The following CORO2B variants were observed in gnomAD, a reference collection of about 807,000 sequenced individuals.
CORO2B encodes the protein coronin 2B.
Under a neutral mutation model 58.8 loss-of-function variants are expected in CORO2B, and 26 were observed. That is an observed-to-expected ratio of 0.44 (90% CI 0.32 to 0.61). CORO2B has a LOEUF of 0.61. Among genes scored for constraint, CORO2B ranks in the 20% least tolerant of loss-of-function variants. The pLI is 0.04. For synonymous variants in CORO2B, 242 were observed against 253.8 expected, an observed-to-expected ratio of 0.95 and a Z score of 0.44; for missense variants, 460 against 645.1, an observed-to-expected ratio of 0.71 and a Z score of 3.11.
At chr15:68,620,635 T>A (rs1187055077) in intron 1 of CORO2B, among the ~76,000 whole-genome samples, 1 of 152,210 alleles carries the variant, frequency 6.6e-6, no homozygotes, top group African/African-American at 2.4e-5. Context: ...ATTTCCAAAG[T>A]GCCTTCTCTG....
chr15:68,676,482 G>T (rs751207002), intron 2 of CORO2B, among the ~76,000 whole-genome samples: 1 of 152,192 alleles, frequency 6.6e-6, no homozygotes, highest in Non-Finnish European at 1.5e-5. Context: ...AACCACCGCT[G>T]CCTAAACCCG....
rs781205281 is a variant in CORO2B, at chr15:68,679,743, T to C, written c.217-15397T>C. Among the ~76,000 whole-genome samples the C allele has an allele frequency of 2.6e-5, 4 of 152,156 alleles. No individual in the cohort carries two copies. In the East Asian group the frequency reaches 7.7e-4, roughly 29 times the overall value. On this transcript the variant is annotated intron_variant, in intron 2 of 11. Coordinates refer to ENST00000261861, the MANE Select transcript of CORO2B (RefSeq NM_006091.5). Reference sequence around the variant, plus strand: ...TTCCTTCTCCCACTACCCCAGCCCCTGAGGATCAACCAACCTCCACAGATG... The same window carrying C: ...TTCCTTCTCCCACTACCCCAGCCCCCGAGGATCAACCAACCTCCACAGATG...
intron 2 of CORO2B, among the ~76,000 whole-genome samples, chr15:68,663,752 A>G (rs1902090786): frequency 6.6e-6 from 1 of 152,250 alleles, no homozygotes; most frequent in Non-Finnish European, 1.5e-5. Context: ...AGACTTGAAT[A>G]AGCATTGCAT....
At chr15:68,581,051 C>A (rs931194647) in intron 1 of CORO2B, among the ~76,000 whole-genome samples, 13 of 152,154 alleles carry the variant, frequency 8.5e-5, no homozygotes, top group Admixed American at 7.9e-4. Context: ...CGTTGGGCAT[C>A]CTGGCTACTG....
chr15:68,552,048 G>T, the CORO2B span, among the ~76,000 whole-genome samples: 10 of 152,040 alleles, frequency 6.6e-5, no homozygotes, highest in African/African-American at 2.2e-4. Flanking sequence ...AAGGGGCTTT[G>T]GTCATCAGCA....
chr15:68,712,016 C>T (rs927692681), intron 5 of CORO2B, among the ~76,000 whole-genome samples: 1 of 152,132 alleles, frequency 6.6e-6, no homozygotes, highest in Non-Finnish European at 1.5e-5. Flanking sequence ...CCAGGTGTTA[C>T]CCAGGTCCAC....
chr15:68,525,755 CTTTA>C, the CORO2B span, among the ~76,000 whole-genome samples: 1 of 152,132 alleles, frequency 6.6e-6, no homozygotes, highest in African/African-American at 2.4e-5. Context: ...TTTTAATCAA[CTTTA>C]TTTACTTTAT....
rs192134821 is a variant in CORO2B at position 68,605,862 on chromosome 15, T to C, written c.15+26585T>C. The stretch of plus-strand genomic sequence containing the variant: ...GCCTTGGCCTCCTGAGTATCTGTGA[T>C]TACAGGCACCCGCCACCACACTCAG... On this transcript the variant is annotated intron_variant, in intron 1 of 11. Transcript: ENST00000261861. 8.5e-5 allele frequency among the ~76,000 whole-genome samples: 13 copies of C among 152,088 alleles called. No homozygotes were observed. In the East Asian group the frequency reaches 2.5e-3, roughly 29 times the overall value.
At chr15:68,696,572 A>AAAAAAAAG (rs1465115598) in intron 3 of CORO2B, among the ~76,000 whole-genome samples, 1 of 151,568 alleles carries the variant, frequency 6.6e-6, no homozygotes, top group African/African-American at 2.4e-5. Flanking sequence ...AAAAAAAAAA[A>AAAAAAAAG]AAGAATCCAG....
chr15:68,602,162 C>T (rs1256890391), intron 1 of CORO2B, among the ~76,000 whole-genome samples: 1 of 152,104 alleles, frequency 6.6e-6, no homozygotes, highest in African/African-American at 2.4e-5. Flanking sequence ...CAGCAGCCAT[C>T]ATAATCCCAT....
intron 1 of CORO2B, 102 bp downstream of exon 1, chr15:68,579,379 G>A: frequency 1.8e-6 from 2 of 1,116,770 alleles, no homozygotes; most frequent in East Asian, 3.8e-5. Flanking sequence ...AGGGGGCGCC[G>A]GTGCCGGGAA....
chr15:68,648,733 A>G (rs764436371), intron 2 of CORO2B, among the ~76,000 whole-genome samples: 7 of 152,250 alleles, frequency 4.6e-5, no homozygotes, highest in South Asian at 2.1e-4. Context: ...GGCAAAATAT[A>G]TATTTTAACC....
intron 3 of CORO2B, among the ~76,000 whole-genome samples, chr15:68,704,039 TAC>T (rs10566834): frequency 0.18 from 23,171 of 127,660 alleles, 2,235 homozygotes; most frequent in Admixed American, 0.35. Flanking sequence ...TACACACACA[TAC>T]ACACACACAC....
At position 68,658,404 on chromosome 15, in the gene CORO2B, G is replaced by A. The variant is rs111368473; in HGVS notation, c.216+13044G>A. 3.3e-5 allele frequency among the ~76,000 whole-genome samples: 5 copies of A among 152,240 alleles called. No individual in the cohort carries two copies. The East Asian group carries it at 5.8e-4, about 18-fold the overall frequency. ...CCATCTGTGCCTCCTTCCTGCCTTC[G>A]GCCAGTGAGGGGCCAGTGGGGGTTG... On this transcript the variant is annotated intron_variant, in intron 2 of 11. Coordinates refer to ENST00000261861, the MANE Select transcript of CORO2B (RefSeq NM_006091.5).
rs532746965 is a variant in CORO2B, at chr15:68,715,940, A to G, written c.967+629A>G. ...CTATATTTCGGGTCCAAATCACCCA[A>G]TGAAACACCTATTTTCAGGGACCTC... On this transcript the variant is annotated intron_variant, in intron 8 of 11. Coordinates refer to ENST00000261861, the MANE Select transcript of CORO2B (RefSeq NM_006091.5). Among the ~76,000 whole-genome samples, 11 of 152,340 alleles carry G rather than the reference A, an allele frequency of 7.2e-5. No homozygotes were observed. The East Asian group carries it at 1.9e-3, about 27-fold the overall frequency.
the CORO2B span, among the ~76,000 whole-genome samples, chr15:68,552,131 G>T: frequency 6.6e-6 from 1 of 152,210 alleles, no homozygotes; most frequent in Non-Finnish European, 1.5e-5. Context: ...AAAATGCTGA[G>T]CAAGTGAGAG....
chr15:68,690,120 A>G (rs1892321135), intron 2 of CORO2B, among the ~76,000 whole-genome samples: 1 of 152,212 alleles, frequency 6.6e-6, no homozygotes, highest in South Asian at 2.1e-4. Flanking sequence ...CATAGTGGAA[A>G]TATTCTATAA....
chr15:68,711,742 G>T, intron 5 of CORO2B, 36 bp downstream of exon 5: 3 of 1,612,278 alleles, frequency 1.9e-6, no homozygotes, highest in Non-Finnish European at 2.5e-6. Context: ...GAAGGGGAAG[G>T]TATTGAGGGC....
chr15:68,602,490 T>TGG (rs906138760), intron 1 of CORO2B, among the ~76,000 whole-genome samples: 8 of 151,670 alleles, frequency 5.3e-5, no homozygotes, highest in Non-Finnish European at 8.8e-5. Context: ...ATATGGAAAT[T>TGG]TTAGGTCACT....
Sources: allele counts gnomAD v4.1 joint callset (sites outside exome capture counted in the v4.1 genomes callset), GRCh38; gene constraint gnomAD v4.1.1; transcripts MANE v1.5; gene names NCBI Gene and HGNC (gene_info 2026-07-23, HGNC 2026-07-21).